The following WDFY3 variants were observed in gnomAD, a reference collection of about 807,000 sequenced individuals.
The protein encoded by WDFY3 is WD repeat and FYVE domain-containing protein 3.
In WDFY3, 66 loss-of-function variants were observed where a neutral mutation model predicts 409.6. The ratio of observed to expected loss-of-function variants is 0.16; its 90% CI spans 0.13 to 0.20. The LOEUF (loss-of-function observed/expected upper bound fraction) is 0.20, where lower values mean the gene tolerates loss of function less well. Among genes scored for constraint, WDFY3 ranks in the 10% least tolerant of loss-of-function variants. The probability of loss-of-function intolerance (pLI) is 1.00; values close to 1 mark genes in which losing one functional copy is unlikely to be tolerated. For synonymous variants in WDFY3, 1,521 were observed against 1,537.1 expected (o/e 0.99, Z 0.25); for missense variants, 3,031 against 4,298.1 (o/e 0.71, Z 8.24).
chr4:84,688,351 G>A (rs1728670780), intron 61 of WDFY3, 86 bp from the exon 62 acceptor site: 15 of 1,365,110 alleles, frequency 1.1e-5, no homozygotes, highest in Non-Finnish European at 1.5e-5. Flanking sequence ...GATGCATCAG[G>A]AAGCAGTGGC....
chr4:84,950,033 T>C (rs1165919247), intron 1 of WDFY3, among the ~76,000 whole-genome samples: 1 of 151,968 alleles, frequency 6.6e-6, no homozygotes, highest in Non-Finnish European at 1.5e-5. Flanking sequence ...ATAAAGAAAA[T>C]GTGGCACATA....
intron 4 of WDFY3, among the ~76,000 whole-genome samples, chr4:84,853,026 T>G (rs1331808816): frequency 6.6e-6 from 1 of 152,182 alleles, no homozygotes; most frequent in East Asian, 1.9e-4. Flanking sequence ...CCCAGAGTGC[T>G]GGGAATACAG....
chr4:84,722,396 A>G lies in WDFY3; in HGVS notation c.7442-824T>C, dbSNP rs117462289. Reference sequence around the variant, plus strand: ...AGCAAGACTCTGTCTCAAAAAAAGTAAAAAATAAACATGATTACAAGATAT... The same window carrying G: ...AGCAAGACTCTGTCTCAAAAAAAGTGAAAAATAAACATGATTACAAGATAT... On this transcript the variant is annotated intron_variant, in intron 46 of 67. Coordinates refer to ENST00000295888, the MANE Select transcript of WDFY3 (RefSeq NM_014991.6). Among the ~76,000 whole-genome samples the G allele has an allele frequency of 4.8e-4, 73 of 152,246 alleles. 1 individual carries two copies. The East Asian group carries it at 0.012, about 26-fold the overall frequency.
intron 2 of WDFY3, among the ~76,000 whole-genome samples, chr4:84,931,675 G>T (rs1476315757): frequency 1.3e-5 from 2 of 152,030 alleles, no homozygotes; most frequent in Non-Finnish European, 2.9e-5. Context: ...AAAATAATTT[G>T]ATTACTTGCA....
intron 53 of WDFY3, among the ~76,000 whole-genome samples, chr4:84,707,119 T>C (rs1352372548): frequency 6.6e-6 from 1 of 151,774 alleles, no homozygotes; most frequent in East Asian, 1.9e-4. Flanking sequence ...TTTGTAGAGA[T>C]GGGGTTTGCC....
At position 84,733,502 on chromosome 4, in the gene WDFY3, G is replaced by C. The variant is rs940004739; in HGVS notation, c.7101C>G (p.Asp2367Glu). 2 of 1,613,778 alleles carry C rather than the reference G, an allele frequency of 1.2e-6. No individual in the cohort carries two copies. Among genetic ancestry groups the C allele is most frequent in the Admixed American group, 1.7e-5 (1 of 59,990 alleles). ...CTTCTGTCATCTCCAGCATCCACTTGTCGAGGTGGGAGCCGATGGGAGGGC... is the reference window on the plus strand; with the variant it reads ...CTTCTGTCATCTCCAGCATCCACTTCTCGAGGTGGGAGCCGATGGGAGGGC... ...LWGPPIGSHL[D>E]KWMLEMTEGP... The change falls in exon 44 of 68, where the codon GAC becomes GAG. Residue 2367 changes from aspartate (D) to glutamate (E), a missense_variant. Asp to Glu is a conservative substitution (Grantham distance 45). Around this residue, in one of 16 missense-constraint regions of WDFY3, gnomAD observed 98 missense variants for 194.9 expected, o/e 0.50. Transcript: ENST00000295888.
intron 54 of WDFY3, 121 bp from the exon 55 acceptor site, chr4:84,704,565 G>C: frequency 1.5e-6 from 1 of 664,882 alleles, no homozygotes; most frequent in Non-Finnish European, 2.4e-6. Flanking sequence ...AATGCAATTA[G>C]TACTGGCATT....
intron 17 of WDFY3, among the ~76,000 whole-genome samples, chr4:84,799,280 C>T (rs973380915): frequency 6.6e-6 from 1 of 151,688 alleles, no homozygotes; most frequent in African/African-American, 2.4e-5. Flanking sequence ...CCTCAGTCTC[C>T]CAAATAACAA....
At chr4:84,792,913 A>G (rs749702577) in intron 21 of WDFY3, among the ~76,000 whole-genome samples, 5 of 152,226 alleles carry the variant, frequency 3.3e-5, no homozygotes, top group Non-Finnish European at 5.9e-5. Flanking sequence ...GTGTTAGATG[A>G]CAGGGCAGCT....
chr4:84,696,607 G>A (rs1326673269), intron 57 of WDFY3, 125 bp downstream of exon 57: 5 of 874,504 alleles, frequency 5.7e-6, no homozygotes, highest in Non-Finnish European at 8.9e-6. Flanking sequence ...TGTATCCCCT[G>A]TAGATAAGGG....
intron 26 of WDFY3, among the ~76,000 whole-genome samples, chr4:84,778,961 A>C (rs1053903706): frequency 6.6e-6 from 1 of 152,210 alleles, no homozygotes; most frequent in African/African-American, 2.4e-5. Context: ...GCGTGCATAA[A>C]ATTGTATGTA....
intron 14 of WDFY3, 135 bp downstream of exon 14, chr4:84,809,752 G>T (rs2149724075): frequency 6.6e-6 from 5 of 752,178 alleles, no homozygotes; most frequent in Non-Finnish European, 8.2e-6. Flanking sequence ...CAAAAATAAA[G>T]TGATACACTT....
At chr4:84,692,822 A>C (rs1729479661) in intron 59 of WDFY3, 63 bp downstream of exon 59, 1 of 1,486,586 alleles carries the variant, frequency 6.7e-7, no homozygotes, top group South Asian at 1.3e-5. Flanking sequence ...TGTTATTGTT[A>C]AACTGGGATT....
chr4:84,864,365 C>CAAAAAAAA (rs35016773), intron 3 of WDFY3, among the ~76,000 whole-genome samples: 14 of 32,512 alleles, frequency 4.3e-4, no homozygotes, highest in African/African-American at 5.7e-4. Flanking sequence ...GACTCCATCT[C>CAAAAAAAA]AAAAAAAAAA....
intron 36 of WDFY3, among the ~76,000 whole-genome samples, chr4:84,744,252 C>A (rs1242812554): frequency 1.3e-5 from 2 of 151,206 alleles, no homozygotes; most frequent in Admixed American, 1.3e-4. Flanking sequence ...CAATGAAATA[C>A]AGGTAAAATA....
At chr4:84,682,491 AAATTAAAAAG>A in intron 63 of WDFY3, 21 bp from the exon 64 acceptor site, 1 of 1,601,250 alleles carries the variant, frequency 6.2e-7, no homozygotes, top group Non-Finnish European at 8.5e-7. Flanking sequence ...ATAAGTACAA[AAATTAAAAAG>A]TTAAGAAACA....
chr4:84,902,853 T>C (rs1296405664), intron 2 of WDFY3, among the ~76,000 whole-genome samples: 1 of 152,190 alleles, frequency 6.6e-6, no homozygotes, highest in African/African-American at 2.4e-5. Context: ...TTCAGACTTA[T>C]TGTCAGGATT....
intron 6 of WDFY3, among the ~76,000 whole-genome samples, chr4:84,840,608 G>A (rs1461747768): frequency 6.6e-6 from 1 of 151,766 alleles, no homozygotes; most frequent in Non-Finnish European, 1.5e-5. Flanking sequence ...TTAGAGACAG[G>A]GTCTCACTCT....
chr4:84,845,242 A>T (rs1301545278), intron 5 of WDFY3, among the ~76,000 whole-genome samples: 1 of 152,210 alleles, frequency 6.6e-6, no homozygotes, highest in Non-Finnish European at 1.5e-5. Context: ...CCAACCTTCA[A>T]AGGAATAATA....
Sources: allele counts gnomAD v4.1 joint callset (sites outside exome capture counted in the v4.1 genomes callset), GRCh38; gene constraint gnomAD v4.1.1; regional missense constraint gnomAD v4.1.1; transcripts MANE v1.5; gene names NCBI Gene and HGNC (gene_info 2026-07-23, HGNC 2026-07-21).